UGT1A3: variants seen among roughly 807,000 people sequenced by gnomAD.
UGT1A3 encodes UDP glucuronosyltransferase family 1 member A3, also known as UDP-glucuronosyltransferase 1A3.
Under a neutral mutation model 41.0 loss-of-function variants are expected in UGT1A3, and 31 were observed. The observed-to-expected ratio is 0.76, with a 90% CI of 0.57 to 1.02. The LOEUF (loss-of-function observed/expected upper bound fraction) is 1.02, where lower values mean the gene tolerates loss of function less well. Among genes scored for constraint, UGT1A3 ranks in the 50% least tolerant of loss-of-function variants. UGT1A3 has a pLI of 0.00. For synonymous variants in UGT1A3, 262 were observed against 257.6 expected (o/e 1.02, Z -0.17); for missense variants, 737 against 671.0 (o/e 1.10, Z -1.09).
At chr2:233,760,266 C>T (rs778145749) in intron 1 of UGT1A3, 17 of 1,611,888 alleles carry the variant, frequency 1.1e-5, no homozygotes, top group Non-Finnish European at 1.4e-5. Context: ...GAGGGCGAAC[C>T]TCTGGCAGGA....
intron 1 of UGT1A3, among the ~76,000 whole-genome samples, chr2:233,748,516 C>G (rs60390282): frequency 6.6e-6 from 1 of 151,670 alleles, no homozygotes; most frequent in Non-Finnish European, 1.5e-5. Flanking sequence ...TCCTGTCTTG[C>G]GAATGATAGA....
At chr2:233,748,159 A>G (rs963522217) in intron 1 of UGT1A3, 2 of 1,598,928 alleles carry the variant, frequency 1.3e-6, no homozygotes, top group African/African-American at 1.4e-5. Context: ...AATTGCTTCC[A>G]TATCTACTTA....
intron 1 of UGT1A3, chr2:233,760,273 A>G (rs113386420): frequency 2.5e-6 from 4 of 1,612,532 alleles, no homozygotes; most frequent in Admixed American, 1.7e-5. Flanking sequence ...AACCTCTGGC[A>G]GGAGCAAAGG....
intron 1 of UGT1A3, chr2:233,760,643 ACT>A: frequency 6.2e-7 from 1 of 1,614,148 alleles, no homozygotes; most frequent in Non-Finnish European, 8.5e-7. Context: ...ATAAAAAAGG[ACT>A]CTGCTATGCT....
chr2:233,764,840 A>T (rs903559567), intron 1 of UGT1A3, among the ~76,000 whole-genome samples: 2 of 151,474 alleles, frequency 1.3e-5, no homozygotes, highest in African/African-American at 4.9e-5. Flanking sequence ...GGGGAGGATG[A>T]CTCTGTCCTC....
chr2:233,762,963 G>A (rs1465614269), intron 1 of UGT1A3, among the ~76,000 whole-genome samples: 1 of 152,144 alleles, frequency 6.6e-6, no homozygotes, highest in East Asian at 1.9e-4. Flanking sequence ...TAGGAAAGAT[G>A]CCCGTCTTGC....
At chr2:233,760,396 G>A (rs1697431780) in intron 1 of UGT1A3, 1 of 1,614,010 alleles carries the variant, frequency 6.2e-7, no homozygotes, top group African/African-American at 1.3e-5. Flanking sequence ...CCCAGTGGAT[G>A]GCAGCCACTG....
chr2:233,760,172 C>T (rs1421203838), intron 1 of UGT1A3: 1 of 1,533,858 alleles, frequency 6.5e-7, no homozygotes, highest in Admixed American at 1.9e-5. Flanking sequence ...TGTGGACTGA[C>T]AGCTTTTTAT....
intron 1 of UGT1A3, among the ~76,000 whole-genome samples, chr2:233,751,156 T>G (rs1334188650): frequency 6.6e-6 from 1 of 151,998 alleles, no homozygotes; most frequent in Non-Finnish European, 1.5e-5. Context: ...ACTTCTGGCA[T>G]CAGCATGACC....
rs904896556 is a variant in UGT1A3, at chr2:233,757,560, A to ATATATATG, written c.868-9473_868-9472insATATATGT. On this transcript the variant is annotated intron_variant, in intron 1 of 4. Coordinates refer to ENST00000482026, the MANE Select transcript of UGT1A3 (RefSeq NM_019093.4). ...AATATATATATATATATATATATAT[A>ATATATATG]TGTATATATGATATAGCTATAGTCT... is the stretch of plus-strand genomic sequence containing the variant. 5.4e-4 allele frequency among the ~76,000 whole-genome samples: 66 copies of ATATATATG among 123,154 alleles called. 2 individuals are homozygous for ATATATATG. Among genetic ancestry groups the ATATATATG allele is most frequent in the African/African-American group, 2.2e-3 (65 of 29,360 alleles). The allele number at this position is 123,154 out of a possible 152,430, so 80.8% of individuals were successfully genotyped here. A position where few individuals can be genotyped will look rare whatever the true frequency, so the allele number is the denominator to read the frequency against.
chr2:233,743,897 A>G (rs1231389302), intron 1 of UGT1A3: 4 of 1,366,642 alleles, frequency 2.9e-6, no homozygotes, highest in Non-Finnish European at 3.9e-6. Flanking sequence ...CACGTCCAGC[A>G]CCTCGTAGTA....
chr2:233,768,108 G>A (rs1445815158), intron 3 of UGT1A3, 112 bp from the exon 4 acceptor site: 1 of 1,594,814 alleles, frequency 6.3e-7, no homozygotes, highest in Non-Finnish European at 8.6e-7. Flanking sequence ...GCAAATTTCT[G>A]CAAGGGCATG....
intron 1 of UGT1A3, among the ~76,000 whole-genome samples, chr2:233,739,678 T>A (rs1691173919): frequency 6.6e-6 from 1 of 152,240 alleles, no homozygotes; most frequent in Non-Finnish European, 1.5e-5. Context: ...TGGAAGTTAC[T>A]AACTTGTTTT....
intron 1 of UGT1A3, among the ~76,000 whole-genome samples, chr2:233,748,662 A>G (rs1454000356): frequency 4.0e-5 from 6 of 151,710 alleles, no homozygotes; most frequent in Non-Finnish European, 8.8e-5. Flanking sequence ...TTCAGTTTCC[A>G]GAGAGGGATC....
chr2:233,755,236 G>A (rs1242283792), intron 1 of UGT1A3: 7 of 905,796 alleles, frequency 7.7e-6, no homozygotes, highest in East Asian at 5.0e-5. Context: ...GAGGCCTACC[G>A]GGGTACTCCC....
At chr2:233,731,160 C>T (rs1477166439) in intron 1 of UGT1A3, among the ~76,000 whole-genome samples, 4 of 151,954 alleles carry the variant, frequency 2.6e-5, no homozygotes, top group South Asian at 2.1e-4. Flanking sequence ...TTTGATCAAA[C>T]GACATGATTT....
intron 1 of UGT1A3, among the ~76,000 whole-genome samples, chr2:233,764,157 G>A (rs1698491746): frequency 6.6e-6 from 1 of 152,190 alleles, no homozygotes; most frequent in African/African-American, 2.4e-5. Flanking sequence ...GGCTGGTGAA[G>A]TCTCATCAGA....
chr2:233,747,363 C>T, intron 1 of UGT1A3: 9 of 1,603,782 alleles, frequency 5.6e-6, no homozygotes, highest in South Asian at 1.1e-5. Context: ...CGTGCGGGAG[C>T]TCCATGCCAG....
At chr2:233,742,803 G>T (rs1329943458) in intron 1 of UGT1A3, 1 of 153,428 alleles carries the variant, frequency 6.5e-6, no homozygotes, top group African/African-American at 2.4e-5. Context: ...TAAGCCAGAA[G>T]TATTGATATT....
Sources: allele counts gnomAD v4.1 joint callset (sites outside exome capture counted in the v4.1 genomes callset), GRCh38; gene constraint gnomAD v4.1.1; transcripts MANE v1.5; gene names NCBI Gene and HGNC (gene_info 2026-07-23, HGNC 2026-07-21).